Variants in NCKAP5 observed in about 807,000 individuals in gnomAD.
NCKAP5 encodes nck-associated protein 5.
NCKAP5 carries 92 observed loss-of-function variants against 167.0 expected under a neutral mutation model. The ratio of observed to expected loss-of-function variants is 0.55; its 90% CI spans 0.47 to 0.66. The LOEUF is 0.66. NCKAP5 is among the 30% of genes least tolerant of loss of function. NCKAP5 has a pLI of 0.00. For missense variants in NCKAP5, 2,378 were observed against 2,315.0 expected (o/e 1.03, Z -0.56); for synonymous variants, 891 against 877.4 (o/e 1.02, Z -0.27).
At chr2:132,682,993 C>G (rs1191945197) in intron 19 of NCKAP5, among the ~76,000 whole-genome samples, 1 of 151,550 alleles carries the variant, frequency 6.6e-6, no homozygotes. Context: ...ATGCTATTCT[C>G]CTGCCTCAGT....
At chr2:133,359,289 A>G (rs1559414448) in intron 3 of NCKAP5, among the ~76,000 whole-genome samples, 1 of 152,126 alleles carries the variant, frequency 6.6e-6, no homozygotes, top group Non-Finnish European at 1.5e-5. Context: ...ACGTCTTACA[A>G]CTGCCCCACT....
chr2:133,319,777 G>A (rs969548201), intron 3 of NCKAP5, among the ~76,000 whole-genome samples: 4 of 152,098 alleles, frequency 2.6e-5, no homozygotes, highest in Admixed American at 6.6e-5. Context: ...AGAGTCAAAC[G>A]GAACATCAGG....
the NCKAP5 span, among the ~76,000 whole-genome samples, chr2:133,637,571 T>C: frequency 1.5e-5 from 2 of 135,098 alleles, no homozygotes; most frequent in Admixed American, 7.3e-5. Flanking sequence ...AATATAATCA[T>C]TGAAATATAA....
chr2:133,219,142 G>A (rs2086553850), intron 4 of NCKAP5, among the ~76,000 whole-genome samples: 1 of 152,200 alleles, frequency 6.6e-6, no homozygotes, highest in Non-Finnish European at 1.5e-5. Context: ...CCTACCACAT[G>A]AGTGGAGGAA....
At chr2:133,368,373 G>A (rs1574814420) in intron 3 of NCKAP5, among the ~76,000 whole-genome samples, 1 of 151,906 alleles carries the variant, frequency 6.6e-6, no homozygotes, top group African/African-American at 2.4e-5. Context: ...TTAATTTCAG[G>A]GAGTGTAAAT....
intron 6 of NCKAP5, chr2:133,123,306 C>A (rs1387971939): frequency 6.6e-6 from 1 of 152,426 alleles, no homozygotes; most frequent in African/African-American, 2.4e-5. Context: ...CAGTTTGCTA[C>A]ATAATTGGTT....
chr2:132,731,264 C>A (rs965718135), intron 17 of NCKAP5, among the ~76,000 whole-genome samples: 1 of 152,186 alleles, frequency 6.6e-6, no homozygotes, highest in African/African-American at 2.4e-5. Context: ...CTATTGCAAT[C>A]GGTGCACGAT....
the NCKAP5 span, among the ~76,000 whole-genome samples, chr2:133,614,235 G>C: frequency 6.6e-6 from 1 of 152,188 alleles, no homozygotes. Context: ...CTGGTCACCG[G>C]CTGCCAGGAA....
chr2:133,487,092 A>G (rs1680970617), intron 3 of NCKAP5, among the ~76,000 whole-genome samples: 1 of 152,178 alleles, frequency 6.6e-6, no homozygotes, highest in Admixed American at 6.6e-5. Flanking sequence ...GAACTCAGTA[A>G]CAGCTGTTCA....
intron 4 of NCKAP5, among the ~76,000 whole-genome samples, chr2:133,279,061 A>G (rs2089845512): frequency 1.3e-5 from 2 of 152,250 alleles, no homozygotes; most frequent in African/African-American, 4.8e-5. Context: ...CATTGCTGGT[A>G]GAAATATAAA....
At chr2:132,719,161 G>A (rs139632616) in intron 19 of NCKAP5, among the ~76,000 whole-genome samples, 1 of 152,014 alleles carries the variant, frequency 6.6e-6, no homozygotes, top group African/African-American at 2.4e-5. Context: ...CATAAACAAG[G>A]TATAAAGTAC....
chr2:133,470,807 G>A (rs1316447387), intron 3 of NCKAP5, among the ~76,000 whole-genome samples: 2 of 152,206 alleles, frequency 1.3e-5, no homozygotes, highest in African/African-American at 4.8e-5. Context: ...TCTTTGACTA[G>A]GAAAGGGAAC....
At chr2:133,288,571 T>C (rs1332027823) in intron 4 of NCKAP5, among the ~76,000 whole-genome samples, 1 of 138,696 alleles carries the variant, frequency 7.2e-6, no homozygotes, top group Non-Finnish European at 1.5e-5. Flanking sequence ...TACAATTAAC[T>C]TTTTTTTTTT....
chr2:132,682,622 T>C (rs767656373), intron 19 of NCKAP5, among the ~76,000 whole-genome samples: 4 of 152,200 alleles, frequency 2.6e-5, no homozygotes, highest in Non-Finnish European at 5.9e-5. Flanking sequence ...CAGTCTGCTC[T>C]TTGGTCTAAT....
intron 6 of NCKAP5, among the ~76,000 whole-genome samples, chr2:133,047,868 T>A (rs1344273070): frequency 6.6e-6 from 1 of 152,168 alleles, no homozygotes; most frequent in African/African-American, 2.4e-5. Flanking sequence ...TTACAGCTTT[T>A]AAAAAATGCT....
At chr2:132,691,360 A>C (rs1221316801) in intron 19 of NCKAP5, among the ~76,000 whole-genome samples, 1 of 151,658 alleles carries the variant, frequency 6.6e-6, no homozygotes, top group East Asian at 1.9e-4. Flanking sequence ...GAATCCTAAA[A>C]TTCTCCCCAC....
chr2:133,639,062 G>A, the NCKAP5 span, among the ~76,000 whole-genome samples: 1 of 152,194 alleles, frequency 6.6e-6, no homozygotes, highest in South Asian at 2.1e-4. Flanking sequence ...ATGACCAACA[G>A]ATATAAGACA....
chr2:133,224,183 T>A (rs2086782068), intron 4 of NCKAP5, among the ~76,000 whole-genome samples: 1 of 152,200 alleles, frequency 6.6e-6, no homozygotes, highest in Non-Finnish European at 1.5e-5. Flanking sequence ...CGTTCATTTA[T>A]CCATCCATAC....
At chr2:133,217,629 T>C (rs1275920648) in intron 4 of NCKAP5, among the ~76,000 whole-genome samples, 1 of 152,108 alleles carries the variant, frequency 6.6e-6, no homozygotes, top group African/African-American at 2.4e-5. Context: ...TATCTTACTG[T>C]AACAGCCGGT....
Sources: gnomAD v4.1 joint callset for allele counts (sites outside exome capture counted in the v4.1 genomes callset) on GRCh38, gnomAD v4.1.1 for gene constraint, MANE v1.5 for transcripts, NCBI Gene and HGNC (gene_info 2026-07-23, HGNC 2026-07-21) for gene names.